The following PTCHD4 variants were observed in gnomAD, a reference collection of about 807,000 sequenced individuals.
PTCHD4 encodes patched domain containing 4.
A neutral mutation model predicts 58.1 loss-of-function variants in PTCHD4; 33 were observed. The ratio of observed to expected loss-of-function variants is 0.57; its 90% CI spans 0.43 to 0.76. The LOEUF (loss-of-function observed/expected upper bound fraction) is 0.76. Among genes scored for constraint, PTCHD4 ranks in the 30% least tolerant of loss-of-function variants. The probability of loss-of-function intolerance (pLI) is 0.00; values close to 1 mark genes in which losing one functional copy is unlikely to be tolerated. For missense variants in PTCHD4, 1,058 were observed against 1,027.1 expected (o/e 1.03, Z -0.41); for synonymous variants, 478 against 409.6 (o/e 1.17, Z -2.02).
At chr6:47,882,861 T>C (rs1365574107) in intron 4 of PTCHD4, among the ~76,000 whole-genome samples, 1 of 150,964 alleles carries the variant, frequency 6.6e-6, no homozygotes, top group Non-Finnish European at 1.5e-5. Context: ...TTCTATCTCT[T>C]GGTTGGATTG....
At chr6:48,087,557 A>T (rs994255439) in intron 1 of PTCHD4, among the ~76,000 whole-genome samples, 2 of 152,206 alleles carry the variant, frequency 1.3e-5, no homozygotes, top group African/African-American at 4.8e-5. Context: ...TAATCTTCAA[A>T]ATAGTCCTAG....
At chr6:48,050,561 CT>C (rs1350205527) in intron 3 of PTCHD4, among the ~76,000 whole-genome samples, 1 of 151,964 alleles carries the variant, frequency 6.6e-6, no homozygotes, top group Non-Finnish European at 1.5e-5. Context: ...AGTTTTCTCA[CT>C]GTAAAAATGA....
chr6:48,040,924 A>G (rs561234319), intron 3 of PTCHD4, among the ~76,000 whole-genome samples: 1 of 152,098 alleles, frequency 6.6e-6, no homozygotes, highest in South Asian at 2.1e-4. Context: ...ATGGATTTGA[A>G]GTACCAAGTA....
At chr6:48,019,182 C>T (rs905739822) in intron 3 of PTCHD4, among the ~76,000 whole-genome samples, 3 of 152,140 alleles carry the variant, frequency 2.0e-5, no homozygotes, top group African/African-American at 7.2e-5. Context: ...TGTGGGGGTA[C>T]CCAAGGATGT....
chr6:48,071,399 G>A (rs1186407998), intron 1 of PTCHD4, among the ~76,000 whole-genome samples: 2 of 152,100 alleles, frequency 1.3e-5, no homozygotes, highest in Admixed American at 1.3e-4. Context: ...GAAGAATTAG[G>A]TGCAATATGA....
intron 4 of PTCHD4, among the ~76,000 whole-genome samples, chr6:47,981,690 A>C (rs1303759107): frequency 6.6e-6 from 1 of 152,198 alleles, no homozygotes; most frequent in Admixed American, 6.5e-5. Flanking sequence ...AGCTGGTTGC[A>C]GAAGTGAGGT....
intron 4 of PTCHD4, among the ~76,000 whole-genome samples, chr6:47,883,468 A>G (rs565148674): frequency 2.0e-5 from 3 of 152,316 alleles, no homozygotes; most frequent in South Asian, 4.1e-4. Flanking sequence ...TGAAAACAGC[A>G]TAATTATTTA....
At position 47,991,791 on chromosome 6, in the gene PTCHD4, A is replaced by G. The variant is rs535497747; in HGVS notation, c.898+16843T>C. On this transcript the variant is annotated intron_variant, in intron 4 of 4. Transcript: ENST00000339488. ...CCTAAATATGAATACTGTAATTTGT[A>G]TAACAATCACAAAATCAAAATCAAA... 1.3e-4 allele frequency among the ~76,000 whole-genome samples: 20 copies of G among 152,218 alleles called. No homozygotes were observed. In the East Asian group the frequency reaches 3.7e-3, roughly 28 times the overall value.
In PTCHD4 at chr6:47,878,969, C is replaced by A; in HGVS notation, c.1866G>T (p.Val622=). 6.2e-7 allele frequency: 1 copy of A among 1,613,082 alleles called. No homozygotes were observed. The highest frequency in any genetic ancestry group is 8.5e-7 in the Non-Finnish European group (1 of 1,179,788). Residue 622 remains valine (V), a synonymous_variant, in exon 5 of 5, where the codon GTG becomes GTT. Coordinates refer to ENST00000339488, the MANE Select transcript of PTCHD4 (RefSeq NM_001384253.1). ...SRDKQKEITE[V]LEKLRPLSLS... The stretch of plus-strand genomic sequence containing the variant: ...GGGATAGGGGCCTCAGCTTTTCCAA[C>A]ACTTCTGTGATTTCTTTCTGCTTGT...
At chr6:47,996,880 T>C (rs1768510113) in intron 4 of PTCHD4, among the ~76,000 whole-genome samples, 1 of 152,214 alleles carries the variant, frequency 6.6e-6, no homozygotes, top group Non-Finnish European at 1.5e-5. Flanking sequence ...AATTTTACAC[T>C]CAGGGGTATA....
rs1763597837 is a variant in PTCHD4, at chr6:47,867,399, A to G, written c.*10904T>C. On this transcript the variant is annotated 3_prime_UTR_variant, in exon 5 of 5. Transcript: ENST00000339488. Reference sequence around the variant, plus strand: ...TTGGGATCCTTGATTTTAACAGTTAAAATTCAAAAATAGAGACTGTGTATT... The same window carrying G: ...TTGGGATCCTTGATTTTAACAGTTAGAATTCAAAAATAGAGACTGTGTATT... 6.6e-6 allele frequency among the ~76,000 whole-genome samples: 1 copy of G among 151,764 alleles called. No individual in the cohort carries two copies. The highest frequency in any genetic ancestry group is 1.5e-5 in the Non-Finnish European group (1 of 67,832).
intron 4 of PTCHD4, among the ~76,000 whole-genome samples, chr6:48,008,216 C>T (rs1056384340): frequency 6.6e-6 from 1 of 152,194 alleles, no homozygotes; most frequent in East Asian, 1.9e-4. Context: ...GATTAGGACA[C>T]ATCATTGGTC....
At chr6:47,969,623 AC>A (rs978400317) in intron 4 of PTCHD4, among the ~76,000 whole-genome samples, 9 of 151,374 alleles carry the variant, frequency 5.9e-5, no homozygotes, top group African/African-American at 7.3e-5. Context: ...TTAAAAAATG[AC>A]CCCCCCCAAA....
chr6:47,947,601 A>G (rs774881105), intron 4 of PTCHD4, among the ~76,000 whole-genome samples: 7 of 152,110 alleles, frequency 4.6e-5, no homozygotes, highest in Non-Finnish European at 8.8e-5. Context: ...ACTTCAGTGC[A>G]TTAAAGATAA....
Position 48,068,302 on chromosome 6 carries a change from G to A in PTCHD4, c.345C>T (p.Ser115=), listed in dbSNP as rs575669764. The A allele has an allele frequency of 1.4e-5, 23 of 1,612,660 alleles. No individual in the cohort carries two copies. The African/African-American group carries it at 1.6e-4, about 11-fold the overall frequency. ...PGRYGRVILL[S]PTGDNILLQA... ...GGAGCAAAATATTGTCCCCGGTTGGGGAGAGGAGGATCACCCTGCCATACC... is the reference window on the plus strand; with the variant it reads ...GGAGCAAAATATTGTCCCCGGTTGGAGAGAGGAGGATCACCCTGCCATACC... The change falls in exon 3 of 5, where the codon TCC becomes TCT. Residue 115 remains serine (S), a synonymous_variant. Transcript: ENST00000339488. The surrounding 1 kb of genome is among the most constrained non-coding windows in gnomAD (Gnocchi z 4.2).
At chr6:48,058,027 C>T (rs976275189) in intron 3 of PTCHD4, among the ~76,000 whole-genome samples, 1 of 152,202 alleles carries the variant, frequency 6.6e-6, no homozygotes, top group Non-Finnish European at 1.5e-5. Flanking sequence ...GAAAAAAAGA[C>T]TTTGGTTCTG....
chr6:48,048,327 C>G (rs1290595415), intron 3 of PTCHD4, among the ~76,000 whole-genome samples: 1 of 151,890 alleles, frequency 6.6e-6, no homozygotes, highest in Non-Finnish European at 1.5e-5. Flanking sequence ...TGCAATTGAG[C>G]AGGTGGTTCC....
At chr6:47,995,674 T>C (rs1057246499) in intron 4 of PTCHD4, among the ~76,000 whole-genome samples, 1 of 152,216 alleles carries the variant, frequency 6.6e-6, no homozygotes, top group African/African-American at 2.4e-5. Flanking sequence ...TTGAATATCT[T>C]GGCATCTTAC....
At chr6:47,983,206 A>T (rs1356351249) in intron 4 of PTCHD4, among the ~76,000 whole-genome samples, 1 of 152,186 alleles carries the variant, frequency 6.6e-6, no homozygotes, top group Admixed American at 6.5e-5. Flanking sequence ...GAAAGAAAGA[A>T]AATTGTTTGG....
Sources: allele counts gnomAD v4.1 joint callset (sites outside exome capture counted in the v4.1 genomes callset), GRCh38; gene constraint gnomAD v4.1.1; non-coding constraint Gnocchi (gnomAD v3.1); transcripts MANE v1.5; gene names NCBI Gene and HGNC (gene_info 2026-07-23, HGNC 2026-07-21).